Variants in CYYR1 observed in about 807,000 individuals in gnomAD.
CYYR1 encodes the protein cysteine and tyrosine-rich protein 1.
A neutral mutation model predicts 15.2 loss-of-function variants in CYYR1; 14 were observed. The ratio of observed to expected loss-of-function variants is 0.92; its 90% CI spans 0.61 to 1.44. CYYR1 has a LOEUF of 1.44. Ranked by LOEUF, CYYR1 falls within the 40% of genes most tolerant of loss-of-function variation. The probability of loss-of-function intolerance (pLI) is 0.00; values close to 1 mark genes in which losing one functional copy is unlikely to be tolerated. For missense variants in CYYR1, 228 were observed against 209.5 expected (o/e 1.09, Z -0.54); for synonymous variants, 80 against 77.4 (o/e 1.03, Z -0.18).
chr21:26,511,321 C>A (rs554711685), intron 2 of CYYR1, among the ~76,000 whole-genome samples: 1 of 152,202 alleles, frequency 6.6e-6, no homozygotes, highest in African/African-American at 2.4e-5. Flanking sequence ...GATGATAAAC[C>A]AGTTAGTACT....
At chr21:26,541,206 C>G (rs1430323817) in intron 2 of CYYR1, among the ~76,000 whole-genome samples, 3 of 152,064 alleles carry the variant, frequency 2.0e-5, no homozygotes, top group Non-Finnish European at 2.9e-5. Flanking sequence ...ACAGGTAAAA[C>G]CCAACATCTG....
chr21:26,505,549 A>C (rs1242209296), intron 2 of CYYR1, among the ~76,000 whole-genome samples: 1 of 152,236 alleles, frequency 6.6e-6, no homozygotes, highest in Non-Finnish European at 1.5e-5. Context: ...TGTTAAGAGA[A>C]TTAAATGAGT....
intron 2 of CYYR1, among the ~76,000 whole-genome samples, chr21:26,538,881 C>T (rs999798593): frequency 6.6e-6 from 1 of 152,178 alleles, no homozygotes; most frequent in Non-Finnish European, 1.5e-5. Context: ...ATCTGGTTCT[C>T]AAACTATTAA....
At chr21:26,488,343 C>T (rs2065280725) in intron 2 of CYYR1, among the ~76,000 whole-genome samples, 1 of 151,736 alleles carries the variant, frequency 6.6e-6, no homozygotes, top group Admixed American at 6.6e-5. Flanking sequence ...GAAGTCTCAA[C>T]CTCTGGGCTC....
In CYYR1 at chr21:26,488,320, G is replaced by A. The variant is rs370988708; in HGVS notation, c.177-7891C>T. Among the ~76,000 whole-genome samples, 22 of 151,382 alleles carry A rather than the reference G, an allele frequency of 1.5e-4. No individual in the cohort carries two copies. The East Asian group carries it at 2.3e-3, about 16-fold the overall frequency. On this transcript the variant is annotated intron_variant, in intron 2 of 3. Coordinates refer to ENST00000652641, the MANE Select transcript of CYYR1 (RefSeq NM_001320768.2). The stretch of plus-strand genomic sequence containing the variant: ...CTAACTGCGTCACCCAGGCTGGAGT[G>A]CAGTGGCTCACTGAAGTCTCAACCT...
Position 26,573,199 on chromosome 21 carries a change from C to T in CYYR1, c.-259G>A. ...GGGCCCAGGTCTCTTTGTCTCGCCC[C>T]ACTGCGCTCAGGCGCGGGGAAGGCG... On this transcript the variant is annotated 5_prime_UTR_variant, in exon 1 of 4. Transcript: ENST00000652641. The T allele has an allele frequency of 6.9e-7, 1 of 1,450,102 alleles. No individual in the cohort carries two copies. Among genetic ancestry groups the T allele is most frequent in the Admixed American group, 2.1e-5 (1 of 47,584 alleles). 89.8% of individuals were successfully genotyped at this position (1,450,102 alleles called of 1,614,324 possible). A position where few individuals can be genotyped will look rare whatever the true frequency, so the allele number is the denominator to read the frequency against.
intron 2 of CYYR1, among the ~76,000 whole-genome samples, chr21:26,492,520 A>C (rs1759601177): frequency 6.6e-6 from 1 of 152,212 alleles, no homozygotes; most frequent in African/African-American, 2.4e-5. Flanking sequence ...TCTAGGTTCA[A>C]GTTTGCACCT....
At chr21:26,500,089 A>G (rs2065459898) in intron 2 of CYYR1, among the ~76,000 whole-genome samples, 1 of 152,102 alleles carries the variant, frequency 6.6e-6, no homozygotes, top group Non-Finnish European at 1.5e-5. Flanking sequence ...TCTGGCCACC[A>G]TCTTGCTGTG....
At chr21:26,482,516 T>G in intron 2 of CYYR1, 1 of 985,342 alleles carries the variant, frequency 1.0e-6, no homozygotes, top group Non-Finnish European at 1.2e-6. Flanking sequence ...CACATTTAGT[T>G]TCTGGACCCA....
At chr21:26,500,654 G>GCA (rs1287761476) in intron 2 of CYYR1, among the ~76,000 whole-genome samples, 1 of 152,068 alleles carries the variant, frequency 6.6e-6, no homozygotes, top group Non-Finnish European at 1.5e-5. Flanking sequence ...CTCTCACACT[G>GCA]GTGGGCCTGC....
At chr21:26,492,935 AGTGT>A (rs145850624) in intron 2 of CYYR1, among the ~76,000 whole-genome samples, 1,846 of 152,106 alleles carry the variant, frequency 0.012, 8 homozygotes, top group Middle Eastern at 0.027. Context: ...CATGTGTGAG[AGTGT>A]GTGTGAGTAG....
At chr21:26,510,563 G>A (rs1569154143) in intron 2 of CYYR1, among the ~76,000 whole-genome samples, 1 of 152,122 alleles carries the variant, frequency 6.6e-6, no homozygotes, top group East Asian at 1.9e-4. Flanking sequence ...GAGGACATTG[G>A]CTATTGTGCA....
chr21:26,507,179 T>C (rs563500421), intron 2 of CYYR1, among the ~76,000 whole-genome samples: 1 of 152,290 alleles, frequency 6.6e-6, no homozygotes, highest in Admixed American at 6.5e-5. Flanking sequence ...GTACCAATCC[T>C]GTAAAAACAG....
At chr21:26,522,911 G>C (rs1952886397) in intron 2 of CYYR1, among the ~76,000 whole-genome samples, 2 of 152,236 alleles carry the variant, frequency 1.3e-5, no homozygotes, top group Admixed American at 6.5e-5. Context: ...ATGAAAGCGT[G>C]AATGTTCAGC....
At chr21:26,477,800 G>A (rs1056607976) in intron 3 of CYYR1, 75 of 983,706 alleles carry the variant, frequency 7.6e-5, no homozygotes, top group Non-Finnish European at 8.9e-5. Flanking sequence ...GTTATGGTTT[G>A]ACCAAGGGAA....
intron 2 of CYYR1, among the ~76,000 whole-genome samples, chr21:26,529,847 T>C (rs1183951580): frequency 6.6e-6 from 1 of 152,236 alleles, no homozygotes; most frequent in African/African-American, 2.4e-5. Context: ...TCACAGAGGT[T>C]ACAGAGTTAG....
intron 2 of CYYR1, among the ~76,000 whole-genome samples, chr21:26,550,071 C>G (rs553995696): frequency 6.6e-6 from 1 of 152,154 alleles, no homozygotes; most frequent in Admixed American, 6.5e-5. Context: ...CTTTGTGTTT[C>G]TGTGTCACAT....
intron 2 of CYYR1, chr21:26,564,888 C>A (rs1275515378): frequency 2.0e-6 from 2 of 976,652 alleles, no homozygotes; most frequent in Non-Finnish European, 2.7e-6. Context: ...TATTTTGTTA[C>A]TTTAAATACT....
chr21:26,548,932 G>T (rs1569171125), intron 2 of CYYR1, among the ~76,000 whole-genome samples: 1 of 151,992 alleles, frequency 6.6e-6, no homozygotes, highest in Non-Finnish European at 1.5e-5. Flanking sequence ...ACAACTGCAA[G>T]ACATTTATAA....
Sources: gnomAD v4.1 joint callset for allele counts (sites outside exome capture counted in the v4.1 genomes callset) on GRCh38, gnomAD v4.1.1 for gene constraint, MANE v1.5 for transcripts, NCBI Gene and HGNC (gene_info 2026-07-23, HGNC 2026-07-21) for gene names.